The following MTMR7 variants were observed in gnomAD, a reference collection of about 807,000 sequenced individuals.
MTMR7 encodes phosphatidylinositol-3-phosphate phosphatase MTMR7.
In MTMR7, 76 loss-of-function variants were observed where a neutral mutation model predicts 81.2. The ratio of observed to expected loss-of-function variants is 0.94; its 90% CI spans 0.78 to 1.13. The LOEUF (loss-of-function observed/expected upper bound fraction) is 1.13, where lower values mean the gene tolerates loss of function less well. Ranked by LOEUF, MTMR7 falls within the 50% of genes most tolerant of loss-of-function variation. MTMR7 has a pLI of 0.00. For synonymous variants in MTMR7, 372 were observed against 289.8 expected (o/e 1.28, Z -2.88); for missense variants, 1,044 against 820.0 (o/e 1.27, Z -3.34).
intron 4 of MTMR7, among the ~76,000 whole-genome samples, chr8:17,353,912 C>G (rs138497070): frequency 6.6e-6 from 1 of 152,328 alleles, no homozygotes; most frequent in Admixed American, 6.5e-5. Flanking sequence ...ACTTACTATA[C>G]GCCAGGCATT....
chr8:17,401,594 TGA>T (rs939851210), intron 1 of MTMR7, among the ~76,000 whole-genome samples: 1 of 151,852 alleles, frequency 6.6e-6, no homozygotes, highest in African/African-American at 2.4e-5. Flanking sequence ...AGGAAAGAGT[TGA>T]TAGTATTTCA....
intron 2 of MTMR7, 111 bp downstream of exon 2, chr8:17,373,007 T>C (rs1450891726): frequency 1.5e-6 from 2 of 1,319,018 alleles, no homozygotes; most frequent in Non-Finnish European, 2.1e-6. Flanking sequence ...TTCCCCAACA[T>C]CCAGGCACAA....
chr8:17,346,381 G>C (rs1298170717), intron 5 of MTMR7, among the ~76,000 whole-genome samples: 1 of 152,146 alleles, frequency 6.6e-6, no homozygotes, highest in Non-Finnish European at 1.5e-5. Flanking sequence ...TGGAAGAAGA[G>C]CTAGAGCTTC....
chr8:17,311,393 AGC>A (rs1292717266), intron 9 of MTMR7, 116 bp downstream of exon 9: 2 of 1,317,596 alleles, frequency 1.5e-6, no homozygotes, highest in African/African-American at 2.9e-5. Flanking sequence ...AATCTTGCTG[AGC>A]TACTAAAAGA....
chr8:17,381,969 G>T (rs1292786425), intron 1 of MTMR7, among the ~76,000 whole-genome samples: 1 of 152,124 alleles, frequency 6.6e-6, no homozygotes, highest in African/African-American at 2.4e-5. Flanking sequence ...GGATCTAAAG[G>T]GTCTTTAATG....
chr8:17,390,556 G>C (rs1019226334), intron 1 of MTMR7, among the ~76,000 whole-genome samples: 1 of 152,152 alleles, frequency 6.6e-6, no homozygotes, highest in African/African-American at 2.4e-5. Flanking sequence ...AGGATAAGCA[G>C]TTGAGTGAGG....
chr8:17,346,925 C>A lies in MTMR7; in HGVS notation c.597+2028G>T, dbSNP rs189115792. On this transcript the variant is annotated intron_variant, in intron 5 of 13. Transcript: ENST00000180173. ...AAAAAAAAAAAGAGGCAAGGGGCGG[C>A]GCCTCACACCTGTAATCCCAGCACT... 4.7e-5 allele frequency among the ~76,000 whole-genome samples: 7 copies of A among 147,946 alleles called. No individual in the cohort carries two copies. The East Asian group carries it at 1.4e-3, about 30-fold the overall frequency.
intron 7 of MTMR7, among the ~76,000 whole-genome samples, chr8:17,316,512 T>C (rs1293798053): frequency 6.6e-6 from 1 of 151,622 alleles, no homozygotes; most frequent in Non-Finnish European, 1.5e-5. Flanking sequence ...AAAGTCTCCC[T>C]GTACCTGGAT....
chr8:17,361,061 A>C (rs1820044526), intron 4 of MTMR7, 56 bp downstream of exon 4: 1 of 1,587,418 alleles, frequency 6.3e-7, no homozygotes, highest in East Asian at 2.2e-5. Context: ...AGGGATGCTA[A>C]GCTGGCTGAA....
chr8:17,408,870 C>G, intron 1 of MTMR7, among the ~76,000 whole-genome samples: 1 of 152,012 alleles, frequency 6.6e-6, no homozygotes, highest in East Asian at 1.9e-4. Flanking sequence ...TTGGGGGTGA[C>G]AAAAGTGTTC....
intron 10 of MTMR7, among the ~76,000 whole-genome samples, chr8:17,308,403 T>C (rs1409869113): frequency 6.6e-6 from 1 of 152,174 alleles, no homozygotes; most frequent in Non-Finnish European, 1.5e-5. Flanking sequence ...ATTCCTATGC[T>C]TTCCTGGAAA....
At chr8:17,360,489 T>C (rs1024907227) in intron 4 of MTMR7, among the ~76,000 whole-genome samples, 4 of 151,502 alleles carry the variant, frequency 2.6e-5, no homozygotes, top group Admixed American at 1.3e-4. Flanking sequence ...TTTTTTTTTT[T>C]CCTTTTGTAA....
At chr8:17,374,982 G>A (rs765430805) in intron 1 of MTMR7, among the ~76,000 whole-genome samples, 4 of 152,070 alleles carry the variant, frequency 2.6e-5, no homozygotes, top group African/African-American at 7.2e-5. Context: ...CCATCCACTC[G>A]GAAGGCTGCG....
chr8:17,368,884 A>G (rs1390280761), intron 3 of MTMR7, among the ~76,000 whole-genome samples: 1 of 152,184 alleles, frequency 6.6e-6, no homozygotes, highest in African/African-American at 2.4e-5. Flanking sequence ...ATCTCTGTCT[A>G]CATCTAATAC....
rs1455121123 is a variant in MTMR7, at chr8:17,313,293, T to C, written c.974A>G (p.Lys325Arg). The C allele has an allele frequency of 1.2e-6, 2 of 1,607,106 alleles. No homozygotes were observed. The highest frequency in any genetic ancestry group is 1.7e-6 in the Non-Finnish European group (2 of 1,174,092). ...AIMDAGIFIA[K>R]AVSEEGASVL... ...TTTATTTTCTCTGCAATTGCATACC[T>C]TTGCAATGAAGATTCCTGCATCCAT... is the stretch of plus-strand genomic sequence containing the variant. Residue 325 changes from lysine (K) to arginine (R), a missense_variant and splice_region_variant, in exon 8 of 14, where the codon AAG becomes AGG. By Grantham distance (26) the Lys-to-Arg change is conservative. Coordinates refer to ENST00000180173, the MANE Select transcript of MTMR7 (RefSeq NM_004686.5).
rs532588092 is a variant in MTMR7 at position 17,408,217 on chromosome 8, C to T, written c.24+5052G>A. ...CATCCCGGCTAAAACGGTGAAACCC[C>T]GTCTCTACTAAAAATACAAAAATTA... On this transcript the variant is annotated intron_variant, in intron 1 of 13. Coordinates refer to ENST00000180173, the MANE Select transcript of MTMR7 (RefSeq NM_004686.5). Among the ~76,000 whole-genome samples the T allele has an allele frequency of 8.6e-5, 10 of 115,760 alleles. 1 individual carries two copies. Among genetic ancestry groups the T allele is most frequent in the Admixed American group, 3.4e-4 (3 of 8,870 alleles). The allele number at this position is 115,760 out of a possible 152,430, so 75.9% of individuals were successfully genotyped here. A position where few individuals can be genotyped will look rare whatever the true frequency, so the allele number is the denominator to read the frequency against.
intron 10 of MTMR7, among the ~76,000 whole-genome samples, chr8:17,306,910 C>T (rs551237369): frequency 4.3e-4 from 54 of 126,082 alleles, no homozygotes; most frequent in Non-Finnish European, 5.9e-4. Context: ...AAGACTTAAA[C>T]GTTAGACCTA....
rs117403510 is a variant in MTMR7 at position 17,336,412 on chromosome 8, G to A, written c.732+4951C>T. 3.2e-3 allele frequency among the ~76,000 whole-genome samples: 493 copies of A among 152,002 alleles called. 5 individuals are homozygous for A. The East Asian group carries it at 0.039, about 12-fold the overall frequency. ...TCCACGGCCACTGGACACTGCCCTC[G>A]CCCCAGTTCTCTTCACTCTGGTTGC... On this transcript the variant is annotated intron_variant, in intron 6 of 13. Transcript: ENST00000180173.
At chr8:17,307,878 G>A (rs1383798710) in intron 10 of MTMR7, among the ~76,000 whole-genome samples, 4 of 151,212 alleles carry the variant, frequency 2.6e-5, no homozygotes, top group Non-Finnish European at 5.9e-5. Flanking sequence ...CACACACCGG[G>A]GACTGTTGTG....
Sources: allele counts gnomAD v4.1 joint callset (sites outside exome capture counted in the v4.1 genomes callset), GRCh38; gene constraint gnomAD v4.1.1; transcripts MANE v1.5; gene names NCBI Gene and HGNC (gene_info 2026-07-23, HGNC 2026-07-21).